Variants in KIN observed in about 807,000 individuals in gnomAD.
KIN encodes DNA/RNA-binding protein KIN17.
Under a neutral mutation model 63.0 loss-of-function variants are expected in KIN, and 47 were observed. The observed-to-expected ratio is 0.75, with a 90% CI of 0.59 to 0.95. KIN has a LOEUF of 0.95. Among genes scored for constraint, KIN ranks in the 40% least tolerant of loss-of-function variants. KIN has a pLI of 0.00. For synonymous variants in KIN, 160 were observed against 157.7 expected, an observed-to-expected ratio of 1.01 and a Z score of -0.11; for missense variants, 408 against 460.9, an observed-to-expected ratio of 0.89 and a Z score of 1.05.
chr10:7,761,785 T>A lies in KIN; in HGVS notation c.1018+672A>T, dbSNP rs572700675. ...GGGAGGCTGAAGTGGGTGGATCACT[T>A]GAGGTCAAGAGTCTGAGACCAGCCT... On this transcript the variant is annotated intron_variant, in intron 11 of 12. Transcript: ENST00000379562. Among the ~76,000 whole-genome samples, 23 of 152,226 alleles carry A rather than the reference T, an allele frequency of 1.5e-4. No homozygotes were observed. The South Asian group carries it at 4.6e-3, about 30-fold the overall frequency.
intron 10 of KIN, 105 bp downstream of exon 10, chr10:7,763,618 T>C: frequency 4.4e-6 from 3 of 675,982 alleles, no homozygotes; most frequent in South Asian, 3.3e-5. Context: ...ATTTTAAACA[T>C]AGTACTTCTG....
chr10:7,771,895 C>CA lies in KIN; in HGVS notation c.669-2551dup, dbSNP rs34263870. The stretch of plus-strand genomic sequence containing the variant: ...GGGCAACAAGAGCGAAATTCCGTCT[C>CA]AAAAAAAAAAAAAAAAGAAAGAAAG... On this transcript the variant is annotated intron_variant, in intron 7 of 12. Coordinates refer to ENST00000379562, the MANE Select transcript of KIN (RefSeq NM_012311.4). Among the ~76,000 whole-genome samples the CA allele has an allele frequency of 6.4e-3, 689 of 107,094 alleles. 6 individuals are homozygous for CA. The highest frequency in any genetic ancestry group is 0.019 in the African/African-American group (566 of 29,802). The allele number at this position is 107,094 out of a possible 152,430, so 70.3% of individuals were successfully genotyped here. A position where few individuals can be genotyped will look rare whatever the true frequency, so the allele number is the denominator to read the frequency against.
Position 7,751,895 on chromosome 10 carries a change from C to G in KIN, c.*4185G>C, listed in dbSNP as rs559872156. ...CTAAAAATACAAAAAATTAGCCGGG[C>G]GCGGTGGCGGGCGCCTGTAGTCCCA... On this transcript the variant is annotated 3_prime_UTR_variant, in exon 13 of 13. Transcript: ENST00000379562. 1.0e-3 allele frequency: 2 copies of G among 1,970 alleles called. 1 individual carries two copies. The highest frequency in any genetic ancestry group is 1.9e-3 in the Non-Finnish European group (2 of 1,062). The allele number at this position is 1,970 out of a possible 1,614,324, so 0.1% of individuals were successfully genotyped here.
chr10:7,767,378 G>A (rs1252927110), intron 8 of KIN, among the ~76,000 whole-genome samples: 1 of 152,146 alleles, frequency 6.6e-6, no homozygotes, highest in Non-Finnish European at 1.5e-5. Flanking sequence ...CTGCTGAACA[G>A]CTCTGACGTT....
rs1293627273 is a variant in KIN at position 7,752,390 on chromosome 10, T to C, written c.*3690A>G. The C allele has an allele frequency of 2.0e-5, 3 of 152,204 alleles. No individual in the cohort carries two copies. The highest frequency in any genetic ancestry group is 4.4e-5 in the Non-Finnish European group (3 of 68,040). The allele number at this position is 152,204 out of a possible 1,614,324, so 9.4% of individuals were successfully genotyped here. A position where few individuals can be genotyped will look rare whatever the true frequency, so the allele number is the denominator to read the frequency against. ...ATGACAAGATCCCACTGTACAGCTA[T>C]TAAGATGGCCAAAATCCAGAACACT... is the stretch of plus-strand genomic sequence containing the variant. On this transcript the variant is annotated 3_prime_UTR_variant, in exon 13 of 13. Transcript: ENST00000379562.
intron 5 of KIN, among the ~76,000 whole-genome samples, chr10:7,777,544 C>T (rs867910730): frequency 1.3e-5 from 2 of 152,296 alleles, no homozygotes; most frequent in Middle Eastern, 6.8e-3. Context: ...GTTCAAAAAA[C>T]ACTCAGTTTC....
At chr10:7,780,024 A>G in intron 4 of KIN, 32 bp downstream of exon 4, 2 of 1,598,254 alleles carry the variant, frequency 1.3e-6, no homozygotes, top group African/African-American at 2.7e-5. Context: ...AGAAGTGGGA[A>G]AGAAAAAGCA....
chr10:7,779,118 A>G (rs7095166), intron 4 of KIN, 99 bp from the exon 5 acceptor site: 1,064,095 of 1,372,610 alleles, frequency 0.78, 416,088 homozygotes, highest in Non-Finnish European at 0.8. Context: ...TCAAACACAC[A>G]CAAATCAGGC....
intron 1 of KIN, among the ~76,000 whole-genome samples, chr10:7,783,504 A>T (rs1288098390): frequency 6.6e-6 from 1 of 152,218 alleles, no homozygotes; most frequent in African/African-American, 2.4e-5. Context: ...CTCATTGAGC[A>T]CATACTTTAT....
chr10:7,764,105 T>C (rs1263316249), intron 9 of KIN, among the ~76,000 whole-genome samples: 2 of 152,230 alleles, frequency 1.3e-5, no homozygotes, highest in Non-Finnish European at 2.9e-5. Context: ...TCAACTCTAG[T>C]ACTTCACGTC....
At chr10:7,760,746 T>A (rs2130988114) in intron 11 of KIN, among the ~76,000 whole-genome samples, 1 of 152,338 alleles carries the variant, frequency 6.6e-6, no homozygotes, top group East Asian at 1.9e-4. Flanking sequence ...TAAACTTTAT[T>A]ATAGATATGT....
Position 7,769,305 on chromosome 10 carries a change from C to T in KIN, c.709G>A (p.Ala237Thr). The T allele has an allele frequency of 6.2e-7, 1 of 1,613,802 alleles. No homozygotes were observed. The highest frequency in any genetic ancestry group is 8.5e-7 in the Non-Finnish European group (1 of 1,179,784). The change falls in exon 8 of 13, where the codon GCA (alanine) becomes ACA (threonine). Residue 237 changes from alanine to threonine, a missense_variant. Physicochemically the swap from Ala to Thr is moderately conservative, Grantham distance 58. Coordinates refer to ENST00000379562, the MANE Select transcript of KIN (RefSeq NM_012311.4). ...PSALKTIGSS[A>T]SVKRKESSQS... ...GAAGATTCTTTTCGTTTCACTGATG[C>T]TGAACTTCCTATCGTCTTCAGTGCA...
chr10:7,758,361 T>C lies in KIN; in HGVS notation c.1119+1529A>G, dbSNP rs529549373. Among the ~76,000 whole-genome samples, 18 of 152,280 alleles carry C rather than the reference T, an allele frequency of 1.2e-4. No individual in the cohort carries two copies. The South Asian group carries it at 3.3e-3, about 28-fold the overall frequency. ...CTGGAATTACAGGCATGAGCCACCA[T>C]GCCAAGCTGGTAGATTCCCTCTTCT... is the stretch of plus-strand genomic sequence containing the variant. On this transcript the variant is annotated intron_variant, in intron 12 of 12. Coordinates refer to ENST00000379562, the MANE Select transcript of KIN (RefSeq NM_012311.4).
rs1020139728 is a variant in KIN at position 7,766,448 on chromosome 10, T to C, written c.799-345A>G. ...AGCTGGAAAAGAGGCCACGTTTTCA[T>C]GCAGTAAAATCATAACACATGGATC... On this transcript the variant is annotated intron_variant, in intron 8 of 12. Coordinates refer to ENST00000379562, the MANE Select transcript of KIN (RefSeq NM_012311.4). The C allele has an allele frequency of 1.3e-5, 3 of 226,772 alleles. No homozygotes were observed. The Admixed American group carries it at 1.7e-4, about 13-fold the overall frequency. The allele number at this position is 226,772 out of a possible 1,614,324, so 14.0% of individuals were successfully genotyped here.
At chr10:7,781,964 A>C (rs983971658) in intron 2 of KIN, among the ~76,000 whole-genome samples, 1 of 152,102 alleles carries the variant, frequency 6.6e-6, no homozygotes, top group African/African-American at 2.4e-5. Flanking sequence ...AGGCCAAGGC[A>C]GGAGAATTGC....
At chr10:7,783,054 A>G (rs1835930138) in intron 2 of KIN, 27 bp downstream of exon 2, 2 of 1,231,672 alleles carry the variant, frequency 1.6e-6, no homozygotes, top group Non-Finnish European at 2.3e-6. Flanking sequence ...AAAGCCTATA[A>G]GATAAAGAGT....
intron 7 of KIN, 28 bp downstream of exon 7, chr10:7,774,803 T>G (rs757059828): frequency 5.1e-6 from 8 of 1,561,764 alleles, no homozygotes; most frequent in Non-Finnish European, 7.1e-6. Flanking sequence ...CCTAATGTTT[T>G]AAGATATCCG....
intron 1 of KIN, among the ~76,000 whole-genome samples, chr10:7,783,486 A>C (rs1315766997): frequency 6.6e-6 from 1 of 152,222 alleles, no homozygotes; most frequent in Non-Finnish European, 1.5e-5. Context: ...GACTTAAGTT[A>C]ATCAATTCTC....
At chr10:7,783,863 T>A (rs1200353973) in intron 1 of KIN, among the ~76,000 whole-genome samples, 8 of 152,034 alleles carry the variant, frequency 5.3e-5, no homozygotes, top group Non-Finnish European at 8.8e-5. Flanking sequence ...TCTTTCTACC[T>A]CCAATTTAAT....
Sources: allele counts gnomAD v4.1 joint callset (sites outside exome capture counted in the v4.1 genomes callset), GRCh38; gene constraint gnomAD v4.1.1; transcripts MANE v1.5; gene names NCBI Gene and HGNC (gene_info 2026-07-23, HGNC 2026-07-21).